Variants in CDKAL1 observed in about 807,000 individuals in gnomAD.
CDKAL1 encodes the protein CDKAL1 threonylcarbamoyladenosine tRNA methylthiotransferase.
CDKAL1 carries 32 observed loss-of-function variants against 68.2 expected under a neutral mutation model. The observed-to-expected ratio is 0.47, with a 90% CI of 0.35 to 0.63. The LOEUF is 0.63. Among genes scored for constraint, CDKAL1 ranks in the 30% least tolerant of loss-of-function variants. The pLI is 0.00. For missense variants in CDKAL1, 606 were observed against 696.7 expected, an observed-to-expected ratio of 0.87 and a Z score of 1.47; for synonymous variants, 234 against 244.3, an observed-to-expected ratio of 0.96 and a Z score of 0.39.
intron 7 of CDKAL1, among the ~76,000 whole-genome samples, chr6:20,780,438 C>G (rs1214431617): frequency 3.3e-5 from 5 of 151,958 alleles, no homozygotes. Flanking sequence ...TGAGCAGATA[C>G]TTGGTTTTGC....
At chr6:20,850,718 G>A (rs139638035) in intron 9 of CDKAL1, among the ~76,000 whole-genome samples, 14 of 152,218 alleles carry the variant, frequency 9.2e-5, no homozygotes, top group Admixed American at 3.9e-4. Context: ...GATTACAGGT[G>A]TGATTATGAG....
intron 13 of CDKAL1, among the ~76,000 whole-genome samples, chr6:21,132,851 G>A (rs1435777751): frequency 6.6e-6 from 1 of 152,138 alleles, no homozygotes; most frequent in Non-Finnish European, 1.5e-5. Context: ...CTGTTAGGAA[G>A]TCGAACCTAT....
chr6:20,975,129 G>A (rs1765782770), intron 10 of CDKAL1, among the ~76,000 whole-genome samples: 1 of 152,030 alleles, frequency 6.6e-6, no homozygotes. Context: ...GTTTGTAATT[G>A]GAGCTGATTG....
At chr6:21,107,939 C>T (rs1237517279) in intron 12 of CDKAL1, among the ~76,000 whole-genome samples, 1 of 152,190 alleles carries the variant, frequency 6.6e-6, no homozygotes, top group Non-Finnish European at 1.5e-5. Context: ...GCTGCAAGCT[C>T]CAGCAGACAG....
chr6:21,173,603 C>T (rs1025761692), intron 13 of CDKAL1, among the ~76,000 whole-genome samples: 1 of 152,184 alleles, frequency 6.6e-6, no homozygotes, highest in Non-Finnish European at 1.5e-5. Flanking sequence ...ACCTACTGTG[C>T]TCGAGGACCT....
At chr6:20,872,736 G>C (rs143339728) in intron 9 of CDKAL1, among the ~76,000 whole-genome samples, 104 of 152,154 alleles carry the variant, frequency 6.8e-4, no homozygotes, top group African/African-American at 2.4e-3. Flanking sequence ...TATAAAGGAT[G>C]GTGTGAAAAG....
At chr6:21,230,034 T>C (rs1322279470) in intron 15 of CDKAL1, among the ~76,000 whole-genome samples, 1 of 152,192 alleles carries the variant, frequency 6.6e-6, no homozygotes, top group Non-Finnish European at 1.5e-5. Flanking sequence ...ACAAGGTACT[T>C]TGAGGGGACT....
At chr6:20,984,848 A>G (rs1766366813) in intron 10 of CDKAL1, among the ~76,000 whole-genome samples, 1 of 151,746 alleles carries the variant, frequency 6.6e-6, no homozygotes, top group Non-Finnish European at 1.5e-5. Flanking sequence ...GGTTTTGGAA[A>G]GGACAACATT....
intron 12 of CDKAL1, among the ~76,000 whole-genome samples, chr6:21,102,389 CTGCCTT>C (rs1773622674): frequency 6.6e-6 from 1 of 152,184 alleles, no homozygotes; most frequent in Admixed American, 6.5e-5. Flanking sequence ...AACATCAGAC[CTGCCTT>C]AGCGTCGTCC....
At chr6:20,752,262 T>C (rs1017926229) in intron 6 of CDKAL1, among the ~76,000 whole-genome samples, 3 of 152,166 alleles carry the variant, frequency 2.0e-5, no homozygotes, top group Non-Finnish European at 4.4e-5. Flanking sequence ...TTTTACAGTT[T>C]TGGCAGATCT....
At chr6:20,900,235 TA>T (rs564648450) in intron 9 of CDKAL1, among the ~76,000 whole-genome samples, 7 of 151,936 alleles carry the variant, frequency 4.6e-5, no homozygotes, top group African/African-American at 9.7e-5. Flanking sequence ...CAATCCTTAT[TA>T]AAAAAAAGGG....
At chr6:21,132,958 C>T (rs933593494) in intron 13 of CDKAL1, among the ~76,000 whole-genome samples, 1 of 152,010 alleles carries the variant, frequency 6.6e-6, no homozygotes, top group Non-Finnish European at 1.5e-5. Flanking sequence ...AGACAAAGCA[C>T]CTTGTGTTTC....
At chr6:20,676,697 A>T (rs1020310591) in intron 5 of CDKAL1, among the ~76,000 whole-genome samples, 4 of 115,260 alleles carry the variant, frequency 3.5e-5, no homozygotes, top group African/African-American at 2.3e-4. Flanking sequence ...AAATAAATAA[A>T]TAAATAAAAT....
In CDKAL1 at chr6:20,535,367, G is replaced by C. The variant is rs575274242; in HGVS notation, c.-33G>C. On this transcript the variant is annotated 5_prime_UTR_variant, in exon 2 of 16. Transcript: ENST00000274695. ...ATTTTCCAGACTCATCTTTCAAGAG[G>C]ACTTTAGACTAATTGCAGATAATTA... The C allele has an allele frequency of 4.9e-4, 74 of 152,354 alleles. No homozygotes were observed. Among genetic ancestry groups the C allele is most frequent in the African/African-American group, 1.7e-3 (70 of 41,530 alleles). The allele number at this position is 152,354 out of a possible 1,614,324, so 9.4% of individuals were successfully genotyped here.
chr6:20,923,084 T>C (rs1417755048), intron 9 of CDKAL1, among the ~76,000 whole-genome samples: 1 of 152,058 alleles, frequency 6.6e-6, no homozygotes, highest in Non-Finnish European at 1.5e-5. Flanking sequence ...CTTCTCTCTC[T>C]CTCTCTTTTT....
At chr6:20,974,227 A>G (rs1366375783) in intron 10 of CDKAL1, among the ~76,000 whole-genome samples, 2 of 152,230 alleles carry the variant, frequency 1.3e-5, no homozygotes, top group African/African-American at 4.8e-5. Flanking sequence ...GACAATGGAA[A>G]GACATGGCAT....
chr6:21,203,593 G>A (rs1049710586), intron 15 of CDKAL1, among the ~76,000 whole-genome samples: 1 of 150,904 alleles, frequency 6.6e-6, no homozygotes, highest in African/African-American at 2.4e-5. Context: ...GCCCAAGTTC[G>A]TCTTGAACTC....
chr6:20,707,875 T>C (rs530488492), intron 5 of CDKAL1, among the ~76,000 whole-genome samples: 4 of 152,324 alleles, frequency 2.6e-5, no homozygotes, highest in African/African-American at 9.6e-5. Context: ...TTAGAAGGGC[T>C]TTGAGTTAAA....
chr6:20,837,890 A>C (rs1025771080), intron 8 of CDKAL1, among the ~76,000 whole-genome samples: 2 of 151,276 alleles, frequency 1.3e-5, no homozygotes, highest in African/African-American at 4.8e-5. Flanking sequence ...CCCCAAAACC[A>C]AACAAACCAG....
Sources: allele counts gnomAD v4.1 joint callset (sites outside exome capture counted in the v4.1 genomes callset), GRCh38; gene constraint gnomAD v4.1.1; transcripts MANE v1.5; gene names NCBI Gene and HGNC (gene_info 2026-07-23, HGNC 2026-07-21).